Variants in C4orf51 observed in about 807,000 individuals in gnomAD.
C4orf51 encodes chromosome 4 open reading frame 51.
C4orf51 carries 25 observed loss-of-function variants against 25.2 expected under a neutral mutation model. That is an observed-to-expected ratio of 0.99 (90% CI 0.72 to 1.39). The LOEUF (loss-of-function observed/expected upper bound fraction) is 1.39. Ranked by LOEUF, C4orf51 falls within the 40% of genes most tolerant of loss-of-function variation. The pLI is 0.00. For synonymous variants in C4orf51, 100 were observed against 84.5 expected (o/e 1.18, Z -1.01); for missense variants, 252 against 239.6 (o/e 1.05, Z -0.34).
At chr4:145,788,162 AT>A in the C4orf51 span, among the ~76,000 whole-genome samples, 7 of 150,420 alleles carry the variant, frequency 4.7e-5, no homozygotes, top group East Asian at 1.9e-4. Flanking sequence ...CTGGATAACC[AT>A]TTTTTTTTGC....
At chr4:145,789,771 G>A in the C4orf51 span, among the ~76,000 whole-genome samples, 6 of 152,122 alleles carry the variant, frequency 3.9e-5, no homozygotes, top group African/African-American at 1.2e-4. Context: ...TTACAATCTC[G>A]ATTTGTTCCA....
At chr4:145,782,195 G>A in the C4orf51 span, among the ~76,000 whole-genome samples, 1 of 152,162 alleles carries the variant, frequency 6.6e-6, no homozygotes, top group Non-Finnish European at 1.5e-5. Flanking sequence ...TTTTTATTTT[G>A]CACACAGGAA....
At chr4:145,782,338 C>G in the C4orf51 span, among the ~76,000 whole-genome samples, 1 of 152,138 alleles carries the variant, frequency 6.6e-6, no homozygotes, top group African/African-American at 2.4e-5. Context: ...AGCAAAGGCC[C>G]GTTCTTTTTT....
At chr4:145,779,644 C>T in the C4orf51 span, 1 of 1,241,192 alleles carries the variant, frequency 8.1e-7, no homozygotes, top group Non-Finnish European at 1.1e-6. Flanking sequence ...GTCTCCGTAA[C>T]TGGTTTTCCT....
At chr4:145,759,325 A>G (rs1165217520), downstream of C4orf51, 1 of 152,192 alleles carries the variant, frequency 6.6e-6, no homozygotes, top group Non-Finnish European at 1.5e-5. Flanking sequence ...TAAGATTAGC[A>G]AAGAGCTTTA....
chr4:145,708,446 G>A (rs1730956755), intron 2 of C4orf51, among the ~76,000 whole-genome samples: 1 of 152,186 alleles, frequency 6.6e-6, no homozygotes, highest in African/African-American at 2.4e-5. Context: ...TGTGAAGAGA[G>A]GACAGAGGAG....
downstream of C4orf51, chr4:145,775,911 A>G (rs6818581): frequency 0.01 from 16,347 of 1,614,154 alleles, 88 homozygotes; most frequent in Non-Finnish European, 0.013. Context: ...TCAGATTTGC[A>G]CGGCACTTAG....
downstream of C4orf51, among the ~76,000 whole-genome samples, chr4:145,736,214 A>G (rs1732796362): frequency 6.6e-6 from 1 of 151,784 alleles, no homozygotes; most frequent in South Asian, 2.1e-4. Context: ...GCATTCCTAT[A>G]TTCAGGAGGT....
rs572326824 is a variant in C4orf51 at position 145,707,827 on chromosome 4, T to G, written c.307+11195T>G. Among the ~76,000 whole-genome samples the G allele has an allele frequency of 1.2e-4, 19 of 152,308 alleles. No homozygotes were observed. The South Asian group carries it at 3.9e-3, about 32-fold the overall frequency. The stretch of plus-strand genomic sequence containing the variant: ...AGCTCCTGAACCCAAAAGGGAAATT[T>G]ATAAGTTTACTTGCCACCTCCAGAG... On this transcript the variant is annotated intron_variant, in intron 2 of 5. Transcript: ENST00000438731.
intron 2 of C4orf51, among the ~76,000 whole-genome samples, chr4:145,723,491 A>C (rs1220526013): frequency 2.6e-5 from 4 of 152,006 alleles, no homozygotes; most frequent in African/African-American, 9.7e-5. Context: ...AAATGATTAG[A>C]AGACCTGGAG....
chr4:145,725,348 G>T (rs1178830700), intron 2 of C4orf51, among the ~76,000 whole-genome samples: 1 of 152,242 alleles, frequency 6.6e-6, no homozygotes, highest in East Asian at 1.9e-4. Flanking sequence ...GAATATAAAA[G>T]AATACAGCCA....
chr4:145,718,498 T>C (rs552796516), intron 2 of C4orf51, among the ~76,000 whole-genome samples: 1 of 152,370 alleles, frequency 6.6e-6, no homozygotes, highest in African/African-American at 2.4e-5. Flanking sequence ...ATCCCACTTT[T>C]ATTCTTCTGT....
At position 145,692,953 on chromosome 4, in the gene C4orf51, GTTTTTTTTTTTTTTTTTT is replaced by G. The variant is rs202227019; in HGVS notation, c.234-3597_234-3580del. On this transcript the variant is annotated intron_variant, in intron 1 of 5. Transcript: ENST00000438731. ...TTACTCCGCTGATATTAAGTTTTTAGTTTTTTTTTTTTTTTTTTTTTTTTTTGTAAGTCCCATCAGGTG... is the reference window on the plus strand; with the variant it reads ...TTACTCCGCTGATATTAAGTTTTTAGTTTTTTTTGTAAGTCCCATCAGGTG... Among the ~76,000 whole-genome samples the G allele has an allele frequency of 2.0e-5, 2 of 100,970 alleles. 1 individual carries two copies. The highest frequency in any genetic ancestry group is 7.1e-5 in the African/African-American group (2 of 28,222). The allele number at this position is 100,970 out of a possible 152,430, so 66.2% of individuals were successfully genotyped here.
intron 1 of C4orf51, among the ~76,000 whole-genome samples, chr4:145,688,942 C>T (rs184541857): frequency 3.6e-4 from 55 of 152,174 alleles, no homozygotes; most frequent in African/African-American, 6.0e-4. Flanking sequence ...CTACCAACAA[C>T]AAACATATTA....
At chr4:145,688,773 T>C (rs1223286243) in intron 1 of C4orf51, among the ~76,000 whole-genome samples, 2 of 152,204 alleles carry the variant, frequency 1.3e-5, no homozygotes, top group African/African-American at 4.8e-5. Flanking sequence ...CCAAATTGAT[T>C]TATAGATTTT....
At chr4:145,738,459 CATAT>C (rs58754234) in intron 1 of C4orf51, among the ~76,000 whole-genome samples, 28 of 146,500 alleles carry the variant, frequency 1.9e-4, no homozygotes, top group Admixed American at 2.0e-4. Context: ...CGAAAAAAAA[CATAT>C]ATATATATAT....
chr4:145,779,454 T>C, the C4orf51 span: 1 of 1,614,236 alleles, frequency 6.2e-7, no homozygotes, highest in Non-Finnish European at 8.5e-7. Context: ...AAAAAGCTGG[T>C]CATTGAATTT....
downstream of C4orf51, among the ~76,000 whole-genome samples, chr4:145,754,817 T>C (rs550463830): frequency 3.9e-5 from 6 of 152,220 alleles, no homozygotes. Context: ...GCATCTGTAA[T>C]CCCAGCTACT....
At position 145,748,121 on chromosome 4, in the gene C4orf51, T is replaced by C. The variant is rs567667250; in HGVS notation, n.168-6086T>C. ...TTCTACATGGTTCAATCTTGATAGG[T>C]TGTATGCATCTAGAACTTTATCCAT... is the stretch of plus-strand genomic sequence containing the variant. On this transcript the variant is annotated intron_variant and non_coding_transcript_variant, in intron 1 of 1. Transcript: ENST00000508981. Among the ~76,000 whole-genome samples, 8 of 152,184 alleles carry C rather than the reference T, an allele frequency of 5.3e-5. No homozygotes were observed. In the East Asian group the frequency reaches 1.3e-3, roughly 26 times the overall value.
Sources: allele counts gnomAD v4.1 joint callset (sites outside exome capture counted in the v4.1 genomes callset), GRCh38; gene constraint gnomAD v4.1.1; transcripts MANE v1.5; gene names NCBI Gene and HGNC (gene_info 2026-07-23, HGNC 2026-07-21).